The following TMOD1 variants were observed in gnomAD, a reference collection of about 807,000 sequenced individuals.
TMOD1 encodes the protein tropomodulin 1, also known as tropomodulin-1.
A neutral mutation model predicts 40.6 loss-of-function variants in TMOD1; 17 were observed. The ratio of observed to expected loss-of-function variants is 0.42; its 90% CI spans 0.29 to 0.63. The LOEUF (loss-of-function observed/expected upper bound fraction) is 0.63. TMOD1 is among the 20% of genes least tolerant of loss of function. The pLI, the probability that TMOD1 is intolerant of heterozygous loss-of-function variation, is 0.22. For missense variants in TMOD1, 391 were observed against 447.6 expected, an observed-to-expected ratio of 0.87 and a Z score of 1.14; for synonymous variants, 181 against 175.0, an observed-to-expected ratio of 1.03 and a Z score of -0.27.
chr9:97,578,007 T>A (rs1251415491), intron 8 of TMOD1, among the ~76,000 whole-genome samples: 1 of 152,150 alleles, frequency 6.6e-6, no homozygotes. Context: ...ATGAGTCCTT[T>A]TAGTCTCAGG....
chr9:97,544,866 G>A (rs1240484924), intron 2 of TMOD1, among the ~76,000 whole-genome samples: 6 of 151,686 alleles, frequency 4.0e-5, no homozygotes, highest in South Asian at 2.1e-4. Context: ...AAAATTAGCC[G>A]GGCGTGGTGT....
intron 8 of TMOD1, among the ~76,000 whole-genome samples, chr9:97,586,233 C>T (rs1226310419): frequency 6.6e-6 from 1 of 152,172 alleles, no homozygotes; most frequent in Non-Finnish European, 1.5e-5. Context: ...AGAGAGGACC[C>T]TCAGCTGCAG....
chr9:97,575,750 A>G (rs554640956), intron 8 of TMOD1, among the ~76,000 whole-genome samples: 35 of 152,350 alleles, frequency 2.3e-4, no homozygotes, highest in African/African-American at 2.4e-5. Flanking sequence ...CACCGGCTCC[A>G]GGATACACCT....
At chr9:97,589,429 G>C (rs1000050005) in intron 8 of TMOD1, among the ~76,000 whole-genome samples, 1 of 149,968 alleles carries the variant, frequency 6.7e-6, no homozygotes. Context: ...GCGCCACCAC[G>C]CCCAGCTACT....
At chr9:97,564,402 C>G (rs1830694470) in intron 6 of TMOD1, among the ~76,000 whole-genome samples, 1 of 152,208 alleles carries the variant, frequency 6.6e-6, no homozygotes. Context: ...AGGATGATAT[C>G]AGGCCCAGAT....
chr9:97,563,974 T>G, intron 5 of TMOD1, 64 bp from the exon 6 acceptor site: 1 of 1,577,660 alleles, frequency 6.3e-7, no homozygotes, highest in Non-Finnish European at 8.6e-7. Context: ...CACAGTATCT[T>G]TGTGTTGGCA....
chr9:97,556,853 C>T (rs1186616067), intron 4 of TMOD1, among the ~76,000 whole-genome samples: 1 of 152,164 alleles, frequency 6.6e-6, no homozygotes, highest in Non-Finnish European at 1.5e-5. Context: ...GGAGAAGGTC[C>T]AGGGCTTGGG....
At chr9:97,576,983 C>G (rs992287406) in intron 8 of TMOD1, among the ~76,000 whole-genome samples, 1 of 152,096 alleles carries the variant, frequency 6.6e-6, no homozygotes, top group African/African-American at 2.4e-5. Flanking sequence ...GGGAATAAAT[C>G]GGGTGAGGGA....
chr9:97,556,384 G>T (rs1377565146), intron 4 of TMOD1, among the ~76,000 whole-genome samples: 1 of 152,196 alleles, frequency 6.6e-6, no homozygotes, highest in Non-Finnish European at 1.5e-5. Flanking sequence ...TGGAGGTGCT[G>T]GGCGGAGCAG....
chr9:97,538,392 A>G (rs1416337758), intron 2 of TMOD1, among the ~76,000 whole-genome samples: 1 of 152,126 alleles, frequency 6.6e-6, no homozygotes, highest in Non-Finnish European at 1.5e-5. Context: ...TGACAAGTGC[A>G]TGTGACTTTC....
intron 8 of TMOD1, among the ~76,000 whole-genome samples, chr9:97,577,464 T>C (rs1307614023): frequency 2.0e-5 from 3 of 152,214 alleles, no homozygotes; most frequent in Non-Finnish European, 4.4e-5. Context: ...TTCTTAATAC[T>C]TCTGTGCTTC....
At chr9:97,561,587 G>A (rs1015704810) in intron 4 of TMOD1, among the ~76,000 whole-genome samples, 1 of 152,198 alleles carries the variant, frequency 6.6e-6, no homozygotes, top group Non-Finnish European at 1.5e-5. Context: ...TCAGTGAGAG[G>A]GGTGGTGTTG....
intron 2 of TMOD1, among the ~76,000 whole-genome samples, 155 bp from the exon 3 acceptor site, chr9:97,546,030 T>C (rs988752768): frequency 3.9e-5 from 6 of 152,162 alleles, no homozygotes; most frequent in African/African-American, 1.2e-4. Context: ...ATTCCTTACT[T>C]GTAAAACGAG....
chr9:97,546,124 C>A, intron 2 of TMOD1, 61 bp from the exon 3 acceptor site: 1 of 1,533,702 alleles, frequency 6.5e-7, no homozygotes, highest in Non-Finnish European at 8.7e-7. Context: ...AGCAGCTGAC[C>A]ACTCTCTCTT....
At chr9:97,549,552 T>C (rs890272071) in intron 3 of TMOD1, among the ~76,000 whole-genome samples, 1 of 152,238 alleles carries the variant, frequency 6.6e-6, no homozygotes, top group African/African-American at 2.4e-5. Context: ...GTTTTCCTCT[T>C]TTCTGGATCC....
intron 9 of TMOD1, among the ~76,000 whole-genome samples, chr9:97,596,754 C>T (rs529522277): frequency 5.9e-5 from 9 of 152,248 alleles, no homozygotes; most frequent in Non-Finnish European, 1.2e-4. Flanking sequence ...AAAAGCTTAC[C>T]CTTAGAGGGT....
intron 4 of TMOD1, among the ~76,000 whole-genome samples, chr9:97,560,250 C>T (rs1830616831): frequency 1.3e-5 from 2 of 151,932 alleles, no homozygotes; most frequent in South Asian, 2.1e-4. Context: ...CAGAAGCAGA[C>T]GTGTATCTAG....
chr9:97,598,920 C>G (rs1826181654), intron 9 of TMOD1, among the ~76,000 whole-genome samples: 1 of 152,166 alleles, frequency 6.6e-6, no homozygotes, highest in African/African-American at 2.4e-5. Flanking sequence ...GCTCATAGAG[C>G]TTGCTGCTTG....
chr9:97,553,512 A>G, intron 4 of TMOD1, 112 bp downstream of exon 4: 1 of 1,442,110 alleles, frequency 6.9e-7, no homozygotes. Context: ...TTCTAACAAG[A>G]ACTAGAGGAG....
Sources: allele counts gnomAD v4.1 joint callset (sites outside exome capture counted in the v4.1 genomes callset), GRCh38; gene constraint gnomAD v4.1.1; transcripts MANE v1.5; gene names NCBI Gene and HGNC (gene_info 2026-07-23, HGNC 2026-07-21).